Variants in PIWIL2 observed in about 807,000 individuals in gnomAD.
The protein encoded by PIWIL2 is piwi-like protein 2.
In PIWIL2, 81 loss-of-function variants were observed where a neutral mutation model predicts 116.5. That is an observed-to-expected ratio of 0.70 (90% CI 0.58 to 0.84). The LOEUF (loss-of-function observed/expected upper bound fraction) is 0.84, where lower values mean the gene tolerates loss of function less well. PIWIL2 is among the 40% of genes least tolerant of loss of function. The pLI is 0.00. For synonymous variants in PIWIL2, 489 were observed against 429.5 expected (o/e 1.14, Z -1.71); for missense variants, 1,272 against 1,212.3 (o/e 1.05, Z -0.73).
chr8:22,283,737 T>C (rs79434890), intron 5 of PIWIL2, among the ~76,000 whole-genome samples: 56 of 152,344 alleles, frequency 3.7e-4, no homozygotes, highest in African/African-American at 1.3e-3. Flanking sequence ...AAGTTAGATG[T>C]GTTTGACAGT....
rs144063927 is a variant in PIWIL2 at position 22,353,196 on chromosome 8, A to G, written c.2641A>G (p.Ile881Val). Residue 881 changes from isoleucine (I) to valine (V), a missense_variant, in exon 21 of 23, where the codon ATA becomes GTA. Ile to Val is a conservative substitution (Grantham distance 29). Coordinates refer to ENST00000356766, the MANE Select transcript of PIWIL2 (RefSeq NM_018068.5). ...TCCTGGAACTGTGGTAGATCATACA[A>G]TAACAAGCTGTGAGTGGTAAGTGAG... The part of the protein sequence containing the change: ...PTPGTVVDHT[I>V]TSCEWVDFYL... 31 of 1,612,610 alleles carry G rather than the reference A, an allele frequency of 1.9e-5. No individual in the cohort carries two copies. The highest frequency in any genetic ancestry group is 4.5e-5 in the East Asian group (2 of 44,844).
intron 10 of PIWIL2, among the ~76,000 whole-genome samples, chr8:22,290,617 T>TC (rs1830738159): frequency 7.2e-6 from 1 of 139,218 alleles, no homozygotes; most frequent in African/African-American, 2.7e-5. Context: ...TTTTTAATTT[T>TC]TTTTTTTTTT....
At chr8:22,343,924 A>C (rs1473802866) in intron 20 of PIWIL2, among the ~76,000 whole-genome samples, 1 of 152,204 alleles carries the variant, frequency 6.6e-6, no homozygotes, top group African/African-American at 2.4e-5. Context: ...CGCCCACACA[A>C]AAACTTGCAC....
intron 2 of PIWIL2, among the ~76,000 whole-genome samples, chr8:22,280,595 A>ATT (rs1830477138): frequency 6.6e-6 from 1 of 152,206 alleles, no homozygotes; most frequent in African/African-American, 2.4e-5. Flanking sequence ...TGTAGCTTTT[A>ATT]TTCATGTCAG....
intron 20 of PIWIL2, among the ~76,000 whole-genome samples, chr8:22,341,995 AG>A (rs1454829603): frequency 1.2e-4 from 17 of 146,660 alleles, no homozygotes; most frequent in East Asian, 3.9e-4. Flanking sequence ...AAAAAAAAAA[AG>A]GTGAATTTTG....
In PIWIL2 at chr8:22,296,020, C is replaced by CT. The variant is rs67357452; in HGVS notation, c.1181+5712dup. The stretch of plus-strand genomic sequence containing the variant: ...ACTGTCTTGGGGTTCCTCTTCCCTT[C>CT]TTTTTTTTTTTTTTTTTTTTTTTTT... On this transcript the variant is annotated intron_variant, in intron 10 of 22. Coordinates refer to ENST00000356766, the MANE Select transcript of PIWIL2 (RefSeq NM_018068.5). Among the ~76,000 whole-genome samples, 232 of 102,788 alleles carry CT rather than the reference C, an allele frequency of 2.3e-3. 20 individuals are homozygous for CT. The highest frequency in any genetic ancestry group is 3.4e-3 in the Non-Finnish European group (165 of 49,126). 67.4% of individuals were successfully genotyped at this position (102,788 alleles called of 152,430 possible).
intron 20 of PIWIL2, among the ~76,000 whole-genome samples, chr8:22,319,863 A>G (rs1831553426): frequency 6.6e-6 from 1 of 152,200 alleles, no homozygotes; most frequent in East Asian, 1.9e-4. Flanking sequence ...AAGGAGTCAC[A>G]AAGTCCCACC....
intron 20 of PIWIL2, among the ~76,000 whole-genome samples, chr8:22,335,754 T>G (rs1336153491): frequency 1.9e-4 from 29 of 152,080 alleles, no homozygotes; most frequent in Admixed American, 1.8e-3. Context: ...AGGCAGTGTT[T>G]CACCATGTTG....
At chr8:22,327,578 G>A (rs1273883217) in intron 20 of PIWIL2, among the ~76,000 whole-genome samples, 1 of 151,944 alleles carries the variant, frequency 6.6e-6, no homozygotes, top group Non-Finnish European at 1.5e-5. Flanking sequence ...TGTTGGTCAG[G>A]CTGGTCTCAA....
chr8:22,281,190 G>C lies in PIWIL2; in HGVS notation c.269G>C (p.Arg90Pro). Residue 90 changes from arginine to proline, a missense_variant, in exon 3 of 23, where the codon CGG (arginine) becomes CCG (proline). By Grantham distance (103) the Arg-to-Pro change is moderately radical. Coordinates refer to ENST00000356766, the MANE Select transcript of PIWIL2 (RefSeq NM_018068.5). ...IETVSKTPLKREMLPSGRGIL... is the reference protein window; with the variant it reads ...IETVSKTPLKPEMLPSGRGIL... ...ACAGTTTCTAAGACCCCTCTGAAAC[G>C]GGAAATGCTTCCATCAGGTATGTGG... The C allele has an allele frequency of 6.2e-7, 1 of 1,611,292 alleles. No homozygotes were observed. The highest frequency in any genetic ancestry group is 1.1e-5 in the South Asian group (1 of 90,550).
intron 14 of PIWIL2, 58 bp downstream of exon 14, chr8:22,308,131 A>G: frequency 2.9e-6 from 4 of 1,364,836 alleles, no homozygotes; most frequent in South Asian, 3.0e-5. Context: ...TGCAATATTT[A>G]TGTGACTTTC....
chr8:22,328,396 A>G (rs1229951251), intron 20 of PIWIL2, among the ~76,000 whole-genome samples: 1 of 151,808 alleles, frequency 6.6e-6, no homozygotes, highest in Non-Finnish European at 1.5e-5. Flanking sequence ...CTTTTTCAGT[A>G]TTGTTTTTGC....
chr8:22,303,963 C>T, intron 10 of PIWIL2, 58 bp from the exon 11 acceptor site: 1 of 1,133,890 alleles, frequency 8.8e-7, no homozygotes, highest in Non-Finnish European at 1.3e-6. Flanking sequence ...TCCCCTATCC[C>T]TTTCATACTG....
At chr8:22,288,761 A>T in intron 8 of PIWIL2, 95 bp downstream of exon 8, 1 of 1,109,330 alleles carries the variant, frequency 9.0e-7, no homozygotes, top group South Asian at 1.6e-5. Flanking sequence ...ACGTGACAGT[A>T]TATTCTAGAT....
chr8:22,297,053 A>G (rs1830924438), intron 10 of PIWIL2, among the ~76,000 whole-genome samples: 1 of 151,748 alleles, frequency 6.6e-6, no homozygotes, highest in Non-Finnish European at 1.5e-5. Context: ...CAGTGGCACG[A>G]TCACAACTCA....
rs1413366353 is a variant in PIWIL2 at position 22,305,945 on chromosome 8, C to G, written c.1474C>G (p.Leu492Val). The G allele has an allele frequency of 3.7e-6, 6 of 1,613,826 alleles. No homozygotes were observed. Among genetic ancestry groups the G allele is most frequent in the Non-Finnish European group, 3.4e-6 (4 of 1,179,698 alleles). Residue 492 changes from leucine (L) to valine (V), a missense_variant, in exon 13 of 23, where the codon CTG becomes GTG. Leu to Val is a conservative substitution (Grantham distance 32, BLOSUM62 1). Transcript: ENST00000356766. ...TTCAAAGCTGCTAAAAGGGGAAATC[C>G]TGCTGCTGCCTGAGCTTTCTTTTAT... ...NHGMLLKGEI[L>V]LLPELSFMTG...
chr8:22,288,570 CAG>C lies in PIWIL2; in HGVS notation c.892_893del (p.Asp298GlnfsTer3), dbSNP rs1563354473. 3 of 1,612,398 alleles carry C rather than the reference CAG, an allele frequency of 1.9e-6. No homozygotes were observed. The highest frequency in any genetic ancestry group is 1.7e-6 in the Non-Finnish European group (2 of 1,178,536). On this transcript the variant is annotated frameshift_variant, in exon 8 of 23. Transcript: ENST00000356766. LOFTEE classifies it high-confidence loss of function. ...CTTGAGTTAAAAAGTCAAAGGAAAACAGACAGTGCTGAAATCAGCATTAAGAT... is the reference window on the plus strand; with the variant it reads ...CTTGAGTTAAAAAGTCAAAGGAAAACACAGTGCTGAAATCAGCATTAAGAT...
At chr8:22,339,290 G>A (rs144592819) in intron 20 of PIWIL2, among the ~76,000 whole-genome samples, 34 of 152,186 alleles carry the variant, frequency 2.2e-4, no homozygotes, top group African/African-American at 7.5e-4. Flanking sequence ...GGCAGATCAC[G>A]AGATCAGGAG....
Position 22,355,592 on chromosome 8 carries a change from G to A in PIWIL2, c.*87G>A. ...TTGCAGAATCAACAGAGACTGAAGTGGGCTTTTGTGTTATAATTTTCCCTT... is the reference window on the plus strand; with the variant it reads ...TTGCAGAATCAACAGAGACTGAAGTAGGCTTTTGTGTTATAATTTTCCCTT... On this transcript the variant is annotated 3_prime_UTR_variant, in exon 23 of 23. Coordinates refer to ENST00000356766, the MANE Select transcript of PIWIL2 (RefSeq NM_018068.5). 1 of 1,198,574 alleles carries A rather than the reference G, an allele frequency of 8.3e-7. No homozygotes were observed. The highest frequency in any genetic ancestry group is 1.5e-5 in the African/African-American group (1 of 66,264). 74.2% of individuals were successfully genotyped at this position (1,198,574 alleles called of 1,614,324 possible). A position where few individuals can be genotyped will look rare whatever the true frequency, so the allele number is the denominator to read the frequency against.
Sources: allele counts gnomAD v4.1 joint callset (sites outside exome capture counted in the v4.1 genomes callset), GRCh38; gene constraint gnomAD v4.1.1; transcripts MANE v1.5; gene names NCBI Gene and HGNC (gene_info 2026-07-23, HGNC 2026-07-21).